ZFR: variants seen among roughly 807,000 people sequenced by gnomAD.
ZFR encodes zinc finger RNA-binding protein.
In ZFR, 19 loss-of-function variants were observed where a neutral mutation model predicts 130.7. That is an observed-to-expected ratio of 0.15 (90% CI 0.10 to 0.21). The LOEUF (loss-of-function observed/expected upper bound fraction) is 0.21. ZFR is among the 10% of genes least tolerant of loss of function. ZFR has a pLI of 1.00. For missense variants in ZFR, 872 were observed against 1,321.5 expected (o/e 0.66, Z 5.27); for synonymous variants, 466 against 456.9 (o/e 1.02, Z -0.25).
At chr5:32,402,859 C>T (rs1753490536) in intron 8 of ZFR, among the ~76,000 whole-genome samples, 1 of 150,484 alleles carries the variant, frequency 6.6e-6, no homozygotes, top group African/African-American at 2.4e-5. Context: ...TTTGTGTGTG[C>T]AGATCTTTTT....
chr5:32,374,078 T>C (rs544221580), intron 17 of ZFR, among the ~76,000 whole-genome samples: 1 of 152,316 alleles, frequency 6.6e-6, no homozygotes, highest in South Asian at 2.1e-4. Flanking sequence ...CTTGAGAGTC[T>C]ATTCATACAA....
At chr5:32,402,791 A>C (rs1472047235) in intron 8 of ZFR, among the ~76,000 whole-genome samples, 4 of 151,676 alleles carry the variant, frequency 2.6e-5, no homozygotes, top group South Asian at 4.2e-4. Context: ...AATGAAAAAA[A>C]AAAAAACAAA....
At chr5:32,428,721 CAG>C (rs1754131648) in intron 2 of ZFR, among the ~76,000 whole-genome samples, 1 of 152,196 alleles carries the variant, frequency 6.6e-6, no homozygotes, top group South Asian at 2.1e-4. Context: ...AGCGTCCCAC[CAG>C]ATGTTGGTGT....
rs1478223877 is a variant in ZFR at position 32,408,312 on chromosome 5, T to A, written c.785-1291A>T. ...TGCTTCCTGTATTGTGAACGTTTGA[T>A]TAAAAAAAAAAAAAAAAAAAAAAAA... On this transcript the variant is annotated intron_variant, in intron 5 of 19. Transcript: ENST00000265069. Among the ~76,000 whole-genome samples, 13 of 81,390 alleles carry A rather than the reference T, an allele frequency of 1.6e-4. No homozygotes were observed. In the South Asian group the frequency reaches 2.0e-3, roughly 12 times the overall value. 53.4% of individuals were successfully genotyped at this position (81,390 alleles called of 152,430 possible).
intron 11 of ZFR, among the ~76,000 whole-genome samples, chr5:32,391,329 A>G (rs1291984292): frequency 6.6e-6 from 1 of 152,184 alleles, no homozygotes; most frequent in Non-Finnish European, 1.5e-5. Context: ...CTTGTAACGT[A>G]ACCCCCTTGG....
intron 2 of ZFR, among the ~76,000 whole-genome samples, chr5:32,434,625 GTCTT>G (rs1754295240): frequency 6.6e-6 from 1 of 152,084 alleles, no homozygotes; most frequent in African/African-American, 2.4e-5. Context: ...AATTATATTA[GTCTT>G]TAACATAGTT....
At chr5:32,395,102 T>C in intron 11 of ZFR, 57 bp downstream of exon 11, 1 of 1,490,694 alleles carries the variant, frequency 6.7e-7, no homozygotes, top group Non-Finnish European at 8.9e-7. Context: ...TCAGAATGGC[T>C]AAGTTTTTAA....
At chr5:32,397,423 TAC>T (rs1182028212) in intron 9 of ZFR, 85 bp from the exon 10 acceptor site, 107 of 1,509,544 alleles carry the variant, frequency 7.1e-5, no homozygotes, top group Non-Finnish European at 4.8e-5. Context: ...GATGAAGTTG[TAC>T]ACAGTTAGAA....
At chr5:32,398,075 C>T (rs1753359480) in intron 9 of ZFR, among the ~76,000 whole-genome samples, 1 of 151,438 alleles carries the variant, frequency 6.6e-6, no homozygotes, top group African/African-American at 2.4e-5. Flanking sequence ...CCAGGATGGT[C>T]TTGATCTCCT....
intron 2 of ZFR, among the ~76,000 whole-genome samples, chr5:32,433,948 C>T (rs908032771): frequency 2.4e-4 from 37 of 152,126 alleles, no homozygotes; most frequent in African/African-American, 8.2e-4. Context: ...TGGCACATGC[C>T]TGTAGTCCCA....
intron 6 of ZFR, among the ~76,000 whole-genome samples, chr5:32,405,118 A>G (rs1263666811): frequency 6.6e-6 from 1 of 152,224 alleles, no homozygotes; most frequent in East Asian, 1.9e-4. Context: ...TGTTCATCAT[A>G]CAATTCAGAG....
chr5:32,434,349 T>C (rs71629080), intron 2 of ZFR, among the ~76,000 whole-genome samples: 43,185 of 152,078 alleles, frequency 0.28, 6,772 homozygotes, highest in Middle Eastern at 0.43. Context: ...GCGGTGCTTT[T>C]TGCATTCATC....
At position 32,400,187 on chromosome 5, in the gene ZFR, C is replaced by T; in HGVS notation, c.1533G>A (p.Gln511=). The part of the protein sequence containing the change: ...KINFVGGNKL[Q]STGNKAEDIK... ...TGTCTTCTGCTTTATTTCCTGTTGA[C>T]TGCAGCTTATTACCACCTAGAAAAG... is the stretch of plus-strand genomic sequence containing the variant. The change falls in exon 9 of 20, where the codon CAG becomes CAA. Residue 511 remains glutamine, a synonymous_variant. Coordinates refer to ENST00000265069, the MANE Select transcript of ZFR (RefSeq NM_016107.5). The T allele has an allele frequency of 6.2e-7, 1 of 1,605,122 alleles. No homozygotes were observed. The highest frequency in any genetic ancestry group is 8.5e-7 in the Non-Finnish European group (1 of 1,175,518).
intron 6 of ZFR, among the ~76,000 whole-genome samples, chr5:32,404,530 A>C (rs1753537090): frequency 6.6e-6 from 1 of 152,248 alleles, no homozygotes; most frequent in Non-Finnish European, 1.5e-5. Context: ...GATTCTTTAC[A>C]AACAGCTATG....
In ZFR at chr5:32,403,889, G is replaced by T; in HGVS notation, c.1224+17C>A. The T allele has an allele frequency of 6.4e-7, 1 of 1,557,118 alleles. No individual in the cohort carries two copies. The highest frequency in any genetic ancestry group is 8.7e-7 in the Non-Finnish European group (1 of 1,149,506). On this transcript the variant is annotated intron_variant, in intron 7 of 19. Transcript: ENST00000265069. ...ACAGAATCAAGGCATAAGGGTGTGT[G>T]GGAAAAAAACACCTACTTTCTGATG...
chr5:32,366,881 A>ATT lies in ZFR; in HGVS notation c.2836-2608_2836-2607dup, dbSNP rs70961624. ...AATATTTGCTTTAAAAGATTTTTTA[A>ATT]TTTTTTTTTTTTTTTTTACAGACAG... On this transcript the variant is annotated intron_variant, in intron 17 of 19. Transcript: ENST00000265069. Among the ~76,000 whole-genome samples, 260 of 142,370 alleles carry ATT rather than the reference A, an allele frequency of 1.8e-3. 1 individual carries two copies. The highest frequency in any genetic ancestry group is 3.2e-3 in the South Asian group (14 of 4,428). 93.4% of individuals were successfully genotyped at this position (142,370 alleles called of 152,430 possible).
At chr5:32,374,985 T>C (rs1752766342) in intron 17 of ZFR, among the ~76,000 whole-genome samples, 1 of 152,214 alleles carries the variant, frequency 6.6e-6, no homozygotes, top group Non-Finnish European at 1.5e-5. Flanking sequence ...ACAGAGTTAG[T>C]GATCACTGCT....
chr5:32,428,793 C>T (rs1390734486), intron 2 of ZFR, among the ~76,000 whole-genome samples: 2 of 152,106 alleles, frequency 1.3e-5, no homozygotes, highest in South Asian at 2.1e-4. Context: ...GATTCTGTTG[C>T]CTGCAGCTGC....
chr5:32,399,024 A>G (rs944727994), intron 9 of ZFR, among the ~76,000 whole-genome samples: 1 of 151,960 alleles, frequency 6.6e-6, no homozygotes, highest in Non-Finnish European at 1.5e-5. Flanking sequence ...GCCTGTAATC[A>G]CAGCACTTTG....
Sources: allele counts gnomAD v4.1 joint callset (sites outside exome capture counted in the v4.1 genomes callset), GRCh38; gene constraint gnomAD v4.1.1; transcripts MANE v1.5; gene names NCBI Gene and HGNC (gene_info 2026-07-23, HGNC 2026-07-21).